Variants in COL9A2 observed in about 807,000 individuals in gnomAD.
COL9A2 encodes the protein collagen alpha-2(IX) chain.
A neutral mutation model predicts 111.6 loss-of-function variants in COL9A2; 66 were observed. The ratio of observed to expected loss-of-function variants is 0.59; its 90% CI spans 0.48 to 0.73. The LOEUF (loss-of-function observed/expected upper bound fraction) is 0.73. Among genes scored for constraint, COL9A2 ranks in the 30% least tolerant of loss-of-function variants. The pLI, the probability that COL9A2 is intolerant of heterozygous loss-of-function variation, is 0.00. For synonymous variants in COL9A2, 353 were observed against 364.1 expected (o/e 0.97, Z 0.35); for missense variants, 881 against 954.1 (o/e 0.92, Z 1.01).
chr1:40,301,906 A>G lies in COL9A2; in HGVS notation c.1793-17T>C, dbSNP rs6674856. 49,008 of 1,610,114 alleles carry G rather than the reference A, an allele frequency of 0.03. 1,937 individuals are homozygous for G. The highest frequency in any genetic ancestry group is 0.19 in the African/African-American group (14,294 of 74,836). The stretch of plus-strand genomic sequence containing the variant: ...CACGTTTTCCTGTAGACAAAAAAGG[A>G]AATCTTCATTTTTCAGAATTGGAAA... On this transcript the variant is annotated splice_polypyrimidine_tract_variant and intron_variant, in intron 30 of 31. Coordinates refer to ENST00000372748, the MANE Select transcript of COL9A2 (RefSeq NM_001852.4).
intron 31 of COL9A2, 73 bp downstream of exon 31, chr1:40,301,739 G>T: frequency 7.1e-7 from 1 of 1,418,396 alleles, no homozygotes; most frequent in South Asian, 1.2e-5. Context: ...CCATGGAGGA[G>T]ACCGCAGTGT....
chr1:40,303,436 G>T lies in COL9A2; in HGVS notation c.1548+94C>A, dbSNP rs201094990. 264 of 1,534,938 alleles carry T rather than the reference G, an allele frequency of 1.7e-4. No homozygotes were observed. The East Asian group carries it at 6.0e-3, about 35-fold the overall frequency. On this transcript the variant is annotated intron_variant, in intron 28 of 31. Coordinates refer to ENST00000372748, the MANE Select transcript of COL9A2 (RefSeq NM_001852.4). This position sits in a 1 kb window ranked among gnomAD's most constrained non-coding sequence, Gnocchi z 4.6. ...TGGAACCAGTCTCGGGGAAGTCGGT[G>T]AGTCTCTGGGAATCCCTAGCCTTTG...
In COL9A2 at chr1:40,311,312, C is replaced by G. The variant is rs1175692265; in HGVS notation, c.520-26G>C. ...CTGGAAACAGAAAATCCCACAGGGT[C>G]CTGTGATCAGCTGGGCAGTGCGCCC... On this transcript the variant is annotated intron_variant, in intron 10 of 31. Transcript: ENST00000372748. The surrounding 1 kb of genome is among the most constrained non-coding windows in gnomAD (Gnocchi z 5.1). The G allele has an allele frequency of 1.9e-6, 3 of 1,611,862 alleles. No homozygotes were observed. In the African/African-American group the frequency reaches 4.0e-5, roughly 22 times the overall value.
chr1:40,304,774 C>A lies in COL9A2; in HGVS notation c.1161+20G>T, dbSNP rs1343851343. On this transcript the variant is annotated intron_variant, in intron 22 of 31. Coordinates refer to ENST00000372748, the MANE Select transcript of COL9A2 (RefSeq NM_001852.4). ...TGCCGCAGAGGCCCCCGGGGAGGGG[C>A]CATTGTGCCAGGCACTTACCTTCTG... 4 of 1,547,690 alleles carry A rather than the reference C, an allele frequency of 2.6e-6. No homozygotes were observed. The African/African-American group carries it at 4.1e-5, about 16-fold the overall frequency.
intron 21 of COL9A2, 140 bp downstream of exon 21, chr1:40,305,575 C>A: frequency 1.3e-6 from 1 of 784,222 alleles, no homozygotes; most frequent in South Asian, 1.6e-5. Flanking sequence ...GGGAAACAGG[C>A]CCAGGGAGGA....
chr1:40,310,596 G>T lies in COL9A2; in HGVS notation c.684+118C>A. 1 of 990,546 alleles carries T rather than the reference G, an allele frequency of 1.0e-6. No individual in the cohort carries two copies. The highest frequency in any genetic ancestry group is 1.6e-6 in the Non-Finnish European group (1 of 636,616). 61.4% of individuals were successfully genotyped at this position (990,546 alleles called of 1,614,324 possible). A position where few individuals can be genotyped will look rare whatever the true frequency, so the allele number is the denominator to read the frequency against. On this transcript the variant is annotated intron_variant, in intron 13 of 31. Coordinates refer to ENST00000372748, the MANE Select transcript of COL9A2 (RefSeq NM_001852.4). The surrounding 1 kb of genome is among the most constrained non-coding windows in gnomAD (Gnocchi z 4.9). ...AGCCTCCATCTCCCCATCCAGAGAT[G>T]CTCCCAGCTAGACACAGGTGTCTCT...
intron 2 of COL9A2, chr1:40,315,188 G>A (rs1644197412): frequency 9.8e-7 from 1 of 1,018,598 alleles, no homozygotes; most frequent in Admixed American, 5.2e-5. Flanking sequence ...GGAAGAGACA[G>A]GAGTCTGGCC....
Position 40,314,078 on chromosome 1 carries a change from G to A in COL9A2, c.249+127C>T, listed in dbSNP as rs1384588606. ...TCACAAGTCATATCAAGGTGAGGGG[G>A]GCTCACAGCTGGAGAATCTCCATCC... On this transcript the variant is annotated intron_variant, in intron 4 of 31. Transcript: ENST00000372748. The surrounding 1 kb of genome is among the most constrained non-coding windows in gnomAD (Gnocchi z 4.1). 1 of 1,030,268 alleles carries A rather than the reference G, an allele frequency of 9.7e-7. No homozygotes were observed. The allele number at this position is 1,030,268 out of a possible 1,614,324, so 63.8% of individuals were successfully genotyped here. A position where few individuals can be genotyped will look rare whatever the true frequency, so the allele number is the denominator to read the frequency against.
rs375746837 is a variant in COL9A2, at chr1:40,311,590, C to T, written c.472-43G>A. 29 of 1,613,814 alleles carry T rather than the reference C, an allele frequency of 1.8e-5. No individual in the cohort carries two copies. The highest frequency in any genetic ancestry group is 2.2e-5 in the South Asian group (2 of 91,062). Reference sequence around the variant, plus strand: ...GATGGAGCTTGGCCTGACCCTTTCCCGCCGCAGGCTTGCTCAAAGACCCTT... The same window carrying T: ...GATGGAGCTTGGCCTGACCCTTTCCTGCCGCAGGCTTGCTCAAAGACCCTT... On this transcript the variant is annotated intron_variant, in intron 9 of 31. Coordinates refer to ENST00000372748, the MANE Select transcript of COL9A2 (RefSeq NM_001852.4). This position sits in a 1 kb window ranked among gnomAD's most constrained non-coding sequence, Gnocchi z 5.1.
chr1:40,304,708 A>C, intron 22 of COL9A2, 86 bp downstream of exon 22: 2 of 1,425,766 alleles, frequency 1.4e-6, no homozygotes, highest in Non-Finnish European at 1.9e-6. Flanking sequence ...GAGGCATCTC[A>C]CGGGCTGCAC....
chr1:40,312,405 C>A lies in COL9A2; in HGVS notation c.363+51G>T, dbSNP rs1415811035. ...ATTCCCTCGAAGCCTTTCTGTTGTC[C>A]CCTCCTTCCCTGGGAGTTCTGGGGA... On this transcript the variant is annotated intron_variant, in intron 7 of 31. Transcript: ENST00000372748. The surrounding 1 kb of genome is among the most constrained non-coding windows in gnomAD (Gnocchi z 6.0). 6 of 1,603,050 alleles carry A rather than the reference C, an allele frequency of 3.7e-6. No homozygotes were observed. Among genetic ancestry groups the A allele is most frequent in the Non-Finnish European group, 8.5e-7 (1 of 1,173,682 alleles).
At position 40,310,232 on chromosome 1, in the gene COL9A2, A is replaced by G; in HGVS notation, c.738+32T>C. 1 of 1,613,974 alleles carries G rather than the reference A, an allele frequency of 6.2e-7. No individual in the cohort carries two copies. Among genetic ancestry groups the G allele is most frequent in the Non-Finnish European group, 8.5e-7 (1 of 1,179,810 alleles). ...CAGGGGCCAGAAGGCAGCTCCTGGAAGCTCTTGTAGAACACCCCAAGATTC... is the reference window on the plus strand; with the variant it reads ...CAGGGGCCAGAAGGCAGCTCCTGGAGGCTCTTGTAGAACACCCCAAGATTC... On this transcript the variant is annotated intron_variant, in intron 14 of 31. Transcript: ENST00000372748. The surrounding 1 kb of genome is among the most constrained non-coding windows in gnomAD (Gnocchi z 4.9).
chr1:40,311,035 G>A lies in COL9A2; in HGVS notation c.630+58C>T. The A allele has an allele frequency of 6.2e-7, 1 of 1,600,818 alleles. No homozygotes were observed. The highest frequency in any genetic ancestry group is 1.7e-5 in the Admixed American group (1 of 60,020). ...GGGAAGGGACGAAGAAGGGGACAGA[G>A]CCCTGTAGGACCATCTCCACGTATC... On this transcript the variant is annotated intron_variant, in intron 12 of 31. Transcript: ENST00000372748. This position sits in a 1 kb window ranked among gnomAD's most constrained non-coding sequence, Gnocchi z 5.1.
chr1:40,308,338 G>A, intron 16 of COL9A2, 93 bp from the exon 17 acceptor site: 1 of 1,339,354 alleles, frequency 7.5e-7, no homozygotes, highest in Non-Finnish European at 1.1e-6. Context: ...GTGGCCTCTA[G>A]GTCCCAGAGT....
Position 40,311,988 on chromosome 1 carries a change from A to G in COL9A2, c.417+71T>C. On this transcript the variant is annotated intron_variant, in intron 8 of 31. Transcript: ENST00000372748. This position sits in a 1 kb window ranked among gnomAD's most constrained non-coding sequence, Gnocchi z 5.1. Reference sequence around the variant, plus strand: ...CAGGAGCAGGCCCAGGAACTTCCAGAAAGACCACCCAGCTTGCCAGCTTGG... The same window carrying G: ...CAGGAGCAGGCCCAGGAACTTCCAGGAAGACCACCCAGCTTGCCAGCTTGG... The G allele has an allele frequency of 1.3e-6, 2 of 1,508,962 alleles. No homozygotes were observed. Among genetic ancestry groups the G allele is most frequent in the East Asian group, 4.6e-5 (2 of 43,202 alleles). The allele number at this position is 1,508,962 out of a possible 1,614,324, so 93.5% of individuals were successfully genotyped here.
At chr1:40,315,428 A>C in intron 2 of COL9A2, 162 bp downstream of exon 2, 1 of 1,434,974 alleles carries the variant, frequency 7.0e-7, no homozygotes, top group South Asian at 1.5e-5. Flanking sequence ...AGGTTTTTGC[A>C]GAACAAACGG....
In COL9A2 at chr1:40,315,327, A is replaced by G. The variant is rs1461128752; in HGVS notation, c.150+263T>C. 9 of 1,321,856 alleles carry G rather than the reference A, an allele frequency of 6.8e-6. No individual in the cohort carries two copies. In the East Asian group the frequency reaches 2.5e-4, roughly 37 times the overall value. The allele number at this position is 1,321,856 out of a possible 1,614,324, so 81.9% of individuals were successfully genotyped here. A position where few individuals can be genotyped will look rare whatever the true frequency, so the allele number is the denominator to read the frequency against. On this transcript the variant is annotated intron_variant, in intron 2 of 31. Transcript: ENST00000372748. ...GAGGGGAAAGGAGAGGAGGGGGATG[A>G]GGCCTCGCTGTGAGCTGCGGCCGGC...
rs758014124 is a variant in COL9A2, at chr1:40,311,296, GAAAATCCCAC to G, written c.520-20_520-11del. On this transcript the variant is annotated splice_polypyrimidine_tract_variant and intron_variant, in intron 10 of 31. Coordinates refer to ENST00000372748, the MANE Select transcript of COL9A2 (RefSeq NM_001852.4). The surrounding 1 kb of genome is among the most constrained non-coding windows in gnomAD (Gnocchi z 5.1). The stretch of plus-strand genomic sequence containing the variant: ...GACAGTTGGTTGGACACTGGAAACA[GAAAATCCCAC>G]AGGGTCCTGTGATCAGCTGGGCAGT... The G allele has an allele frequency of 1.9e-6, 3 of 1,613,500 alleles. No individual in the cohort carries two copies. In the African/African-American group the frequency reaches 4.0e-5, roughly 22 times the overall value.
At position 40,311,456 on chromosome 1, in the gene COL9A2, C is replaced by T. The variant is rs777401034; in HGVS notation, c.519+44G>A. 1.3e-5 allele frequency: 14 copies of T among 1,062,288 alleles called. No homozygotes were observed. In the Admixed American group the frequency reaches 2.2e-4, roughly 17 times the overall value. The allele number at this position is 1,062,288 out of a possible 1,614,324, so 65.8% of individuals were successfully genotyped here. A position where few individuals can be genotyped will look rare whatever the true frequency, so the allele number is the denominator to read the frequency against. On this transcript the variant is annotated intron_variant, in intron 10 of 31. Transcript: ENST00000372748. The surrounding 1 kb of genome is among the most constrained non-coding windows in gnomAD (Gnocchi z 5.1). ...TGGCCCCGCCTCCCCATCTCTGTGGCCCCGCCCCCCTGTGTTAGCCCCGCC... is the reference window on the plus strand; with the variant it reads ...TGGCCCCGCCTCCCCATCTCTGTGGTCCCGCCCCCCTGTGTTAGCCCCGCC...
Sources: gnomAD v4.1 joint callset for allele counts on GRCh38, gnomAD v4.1.1 for gene constraint, Gnocchi (gnomAD v3.1) non-coding constraint, MANE v1.5 for transcripts, NCBI Gene and HGNC (gene_info 2026-07-23, HGNC 2026-07-21) for gene names.